Variants in CYRIB observed in about 807,000 individuals in gnomAD.
CYRIB encodes CYFIP-related Rac1 interactor B.
Under a neutral mutation model 44.2 loss-of-function variants are expected in CYRIB, and 8 were observed. The observed-to-expected ratio is 0.18, with a 90% CI of 0.11 to 0.33. CYRIB has a LOEUF of 0.33. Ranked by LOEUF, CYRIB falls within the 10% of genes least tolerant of loss-of-function variation. The pLI is 1.00. For synonymous variants in CYRIB, 131 were observed against 127.2 expected (o/e 1.03, Z -0.20); for missense variants, 185 against 382.8 (o/e 0.48, Z 4.31).
At chr8:130,000,578 A>T (rs990347656) in intron 1 of CYRIB, among the ~76,000 whole-genome samples, 2 of 152,146 alleles carry the variant, frequency 1.3e-5, no homozygotes, top group Non-Finnish European at 2.9e-5. Flanking sequence ...CTACAGTCCC[A>T]GCTACTCAGA....
At position 129,935,760 on chromosome 8, in the gene CYRIB, T is replaced by G; in HGVS notation, c.-50+3848A>C. 1.3e-5 allele frequency among the ~76,000 whole-genome samples: 2 copies of G among 152,242 alleles called. 1 individual carries two copies. The highest frequency in any genetic ancestry group is 1.3e-4 in the Admixed American group (2 of 15,282). ...AGTGTCACATACAATAGTACCTTAA[T>G]GTTGATGATCAATCTTTTCAAAATG... On this transcript the variant is annotated intron_variant, in intron 1 of 11. Coordinates refer to ENST00000519824, the Ensembl canonical transcript of CYRIB.
chr8:129,989,755 A>G lies in CYRIB; in HGVS notation c.-295-18760T>C, dbSNP rs186708516. ...GGTGTGCTGCACCCATTAACTCGTCATTTACATTAGGTATATCTCCTAATG... is the reference window on the plus strand; with the variant it reads ...GGTGTGCTGCACCCATTAACTCGTCGTTTACATTAGGTATATCTCCTAATG... On this transcript the variant is annotated intron_variant, in intron 1 of 14. Coordinates refer to the CYRIB transcript ENST00000401979. Among the ~76,000 whole-genome samples, 291 of 148,136 alleles carry G rather than the reference A, an allele frequency of 2.0e-3. 1 individual carries two copies. Among genetic ancestry groups the G allele is most frequent in the African/African-American group, 6.6e-3 (264 of 40,074 alleles).
At chr8:129,918,853 C>A (rs117741220) in intron 1 of CYRIB, among the ~76,000 whole-genome samples, 1,859 of 152,162 alleles carry the variant, frequency 0.012, 9 homozygotes, top group Non-Finnish European at 0.019. Flanking sequence ...TGTCATTCTG[C>A]TAAAATGATT....
At chr8:129,943,939 G>GACCTC (rs1484310677), upstream of CYRIB, among the ~76,000 whole-genome samples, 3 of 145,388 alleles carry the variant, frequency 2.1e-5, no homozygotes, top group African/African-American at 7.7e-5. Flanking sequence ...AAAAGAATGA[G>GACCTC]ACCTCTTAGC....
intron 2 of CYRIB, among the ~76,000 whole-genome samples, chr8:129,957,630 A>T (rs1027735352): frequency 4.6e-5 from 7 of 152,148 alleles, no homozygotes; most frequent in Admixed American, 1.3e-4. Flanking sequence ...CAGGTGTTCC[A>T]GACCAGCCTG....
Position 129,979,169 on chromosome 8 carries a change from T to C in CYRIB, c.-295-8174A>G, listed in dbSNP as rs192304951. Among the ~76,000 whole-genome samples, 152 of 151,890 alleles carry C rather than the reference T, an allele frequency of 1.0e-3. 1 individual carries two copies. Among genetic ancestry groups the C allele is most frequent in the African/African-American group, 3.3e-3 (137 of 41,452 alleles). On this transcript the variant is annotated intron_variant, in intron 1 of 14. Transcript: ENST00000401979. Reference sequence around the variant, plus strand: ...ATAAATAAATAAATTAATTAATTAATTAAATAAATAATATATCAATGTTTT... The same window carrying C: ...ATAAATAAATAAATTAATTAATTAACTAAATAAATAATATATCAATGTTTT...
chr8:129,861,644 G>C (rs2049677582), intron 5 of CYRIB, among the ~76,000 whole-genome samples: 1 of 150,736 alleles, frequency 6.6e-6, no homozygotes, highest in Non-Finnish European at 1.5e-5. Flanking sequence ...TTTGAGACGG[G>C]ATTTTGCCAT....
rs139055801 is a variant in CYRIB at position 129,961,887 on chromosome 8, C to T, written c.-243+9056G>A. Among the ~76,000 whole-genome samples the T allele has an allele frequency of 8.7e-4, 132 of 152,336 alleles. 1 individual carries two copies. In the East Asian group the frequency reaches 0.02, roughly 23 times the overall value. On this transcript the variant is annotated intron_variant, in intron 2 of 14. Coordinates refer to the CYRIB transcript ENST00000401979. ...CCTTGTCAGAGCCCAGGCCTATGAC[C>T]TCGGGCAAGTTCCTAAACTCTCTGA...
intron 1 of CYRIB, among the ~76,000 whole-genome samples, chr8:130,014,468 C>T (rs1038509852): frequency 2.0e-5 from 3 of 152,164 alleles, no homozygotes; most frequent in Non-Finnish European, 4.4e-5. Flanking sequence ...CATGCTCAAA[C>T]TGCAGCACGC....
At chr8:130,007,820 G>C (rs1363415969) in intron 1 of CYRIB, among the ~76,000 whole-genome samples, 1 of 151,956 alleles carries the variant, frequency 6.6e-6, no homozygotes, top group Non-Finnish European at 1.5e-5. Flanking sequence ...CAGGACACTT[G>C]CTCCATGCTC....
At chr8:129,977,085 A>C (rs1202696916) in intron 1 of CYRIB, among the ~76,000 whole-genome samples, 1 of 152,050 alleles carries the variant, frequency 6.6e-6, no homozygotes, top group Non-Finnish European at 1.5e-5. Context: ...CAAGTGATCC[A>C]CCCACCTCGG....
chr8:129,976,229 A>AT (rs2095909748), intron 1 of CYRIB, among the ~76,000 whole-genome samples: 2 of 152,142 alleles, frequency 1.3e-5, no homozygotes, highest in African/African-American at 4.8e-5. Context: ...ACTTATGCCT[A>AT]TAATCCTGTT....
At chr8:129,858,105 C>T (rs942316637) in intron 5 of CYRIB, among the ~76,000 whole-genome samples, 3 of 152,226 alleles carry the variant, frequency 2.0e-5, no homozygotes, top group African/African-American at 7.2e-5. Flanking sequence ...CCTCACCCTG[C>T]AGGCCTGTGC....
At chr8:129,895,016 C>A (rs1439899929) in intron 2 of CYRIB, among the ~76,000 whole-genome samples, 1 of 149,410 alleles carries the variant, frequency 6.7e-6, no homozygotes, top group East Asian at 2.0e-4. Context: ...CGGCTCACTG[C>A]GACCTCAACC....
At chr8:129,889,390 AAAGT>A (rs2064142650) in intron 2 of CYRIB, among the ~76,000 whole-genome samples, 1 of 152,238 alleles carries the variant, frequency 6.6e-6, no homozygotes, top group South Asian at 2.1e-4. Context: ...CATGGATCAC[AAAGT>A]AATTCTGGCT....
chr8:129,894,064 A>G (rs186515174), intron 2 of CYRIB, among the ~76,000 whole-genome samples: 225 of 152,344 alleles, frequency 1.5e-3, no homozygotes, highest in African/African-American at 4.9e-3. Context: ...AAACCAGTTT[A>G]TTCATTCCTC....
At chr8:129,884,137 C>T (rs1031261458) in intron 2 of CYRIB, among the ~76,000 whole-genome samples, 1 of 152,128 alleles carries the variant, frequency 6.6e-6, no homozygotes, top group African/African-American at 2.4e-5. Flanking sequence ...CTCAGTCCAG[C>T]TGCTTGATTT....
At chr8:129,990,722 C>T (rs2096611275) in intron 1 of CYRIB, among the ~76,000 whole-genome samples, 1 of 151,924 alleles carries the variant, frequency 6.6e-6, no homozygotes, top group East Asian at 1.9e-4. Flanking sequence ...CAGCGTCTCA[C>T]TATGTTGCCC....
intron 1 of CYRIB, among the ~76,000 whole-genome samples, chr8:130,010,969 C>T (rs1207509016): frequency 6.6e-6 from 1 of 152,206 alleles, no homozygotes; most frequent in African/African-American, 2.4e-5. Flanking sequence ...GCGCAGCACA[C>T]TCAAGTTTGG....
Sources: allele counts gnomAD v4.1 joint callset (sites outside exome capture counted in the v4.1 genomes callset), GRCh38; gene constraint gnomAD v4.1.1; transcripts MANE v1.5; gene names NCBI Gene and HGNC (gene_info 2026-07-23, HGNC 2026-07-21).